Variants in SMURF2 observed in about 807,000 individuals in gnomAD.
The protein encoded by SMURF2 is E3 ubiquitin-protein ligase SMURF2.
SMURF2 carries 48 observed loss-of-function variants against 109.6 expected under a neutral mutation model. That is an observed-to-expected ratio of 0.44 (90% CI 0.35 to 0.56). SMURF2 has a LOEUF of 0.56. Among genes scored for constraint, SMURF2 ranks in the 20% least tolerant of loss-of-function variants. SMURF2 has a pLI of 0.01. For missense variants in SMURF2, 575 were observed against 909.0 expected, an observed-to-expected ratio of 0.63 and a Z score of 4.72; for synonymous variants, 288 against 317.1, an observed-to-expected ratio of 0.91 and a Z score of 0.97.
At chr17:64,626,269 A>C (rs1276779415) in intron 1 of SMURF2, among the ~76,000 whole-genome samples, 7 of 151,768 alleles carry the variant, frequency 4.6e-5, no homozygotes, top group East Asian at 1.9e-4. Context: ...AAAAAAAAAA[A>C]AAAAACAAAA....
chr17:64,618,835 G>A (rs1338427729), intron 1 of SMURF2, among the ~76,000 whole-genome samples: 1 of 152,140 alleles, frequency 6.6e-6, no homozygotes, highest in Non-Finnish European at 1.5e-5. Flanking sequence ...TTTTTCTAGA[G>A]ACACTTATAG....
At chr17:64,648,058 TAAAAAAAA>T (rs56131846) in intron 1 of SMURF2, among the ~76,000 whole-genome samples, 876 of 17,550 alleles carry the variant, frequency 0.05, 9 homozygotes, top group African/African-American at 0.14. Context: ...CCCTATCTCT[TAAAAAAAA>T]AAAAAAAAAA....
At chr17:64,579,259 A>T (rs1969544645) in intron 8 of SMURF2, among the ~76,000 whole-genome samples, 1 of 152,058 alleles carries the variant, frequency 6.6e-6, no homozygotes. Context: ...AATCTCTAAA[A>T]GGGTTTCTTT....
chr17:64,616,116 C>G (rs1487094099), intron 1 of SMURF2, among the ~76,000 whole-genome samples: 1 of 152,186 alleles, frequency 6.6e-6, no homozygotes, highest in Non-Finnish European at 1.5e-5. Context: ...AGGCGTCAGC[C>G]ACCACACCCG....
chr17:64,585,344 T>C (rs1455595792), intron 6 of SMURF2, among the ~76,000 whole-genome samples: 3 of 152,158 alleles, frequency 2.0e-5, no homozygotes, highest in African/African-American at 4.8e-5. Context: ...ACAATAATAG[T>C]AGCAATAGAA....
intron 1 of SMURF2, among the ~76,000 whole-genome samples, chr17:64,657,771 A>G (rs1326116590): frequency 6.6e-6 from 1 of 151,918 alleles, no homozygotes; most frequent in Admixed American, 6.6e-5. Context: ...ATGACCCTTC[A>G]TTTATCTTTA....
chr17:64,633,231 C>T (rs73333966), intron 1 of SMURF2, among the ~76,000 whole-genome samples: 280 of 152,330 alleles, frequency 1.8e-3, no homozygotes, highest in African/African-American at 6.4e-3. Context: ...GATCATATCA[C>T]TGTACTCCAT....
chr17:64,563,234 T>C (rs1969250785), intron 10 of SMURF2: 3 of 250,392 alleles, frequency 1.2e-5, no homozygotes, highest in Non-Finnish European at 2.3e-5. Context: ...TTTTCCAATA[T>C]AGCTTCCATT....
At position 64,607,996 on chromosome 17, in the gene SMURF2, CATAAATAAATAAATAA is replaced by C. The variant is rs55747507; in HGVS notation, c.53-1372_53-1357del. ...CCTGGGCGACAGAGCAAGACTCTGTCATAAATAAATAAATAAATAAATAAATAAATAAATAAATAAA... is the reference window on the plus strand; with the variant it reads ...CCTGGGCGACAGAGCAAGACTCTGTCATAAATAAATAAATAAATAAATAAA... On this transcript the variant is annotated intron_variant, in intron 1 of 18. Coordinates refer to ENST00000262435, the MANE Select transcript of SMURF2 (RefSeq NM_022739.4). 2.9e-3 allele frequency among the ~76,000 whole-genome samples: 396 copies of C among 135,700 alleles called. 1 individual carries two copies. Among genetic ancestry groups the C allele is most frequent in the African/African-American group, 4.9e-3 (179 of 36,316 alleles). The allele number at this position is 135,700 out of a possible 152,430, so 89.0% of individuals were successfully genotyped here.
chr17:64,638,042 GTTTTTTTTTTTTCCTTTTTCTTT>G (rs1447175931), intron 1 of SMURF2, among the ~76,000 whole-genome samples: 4 of 123,780 alleles, frequency 3.2e-5, no homozygotes, highest in African/African-American at 5.9e-5. Flanking sequence ...TTTCCCATGA[GTTTTTTTTTTTTCCTTTTTCTTT>G]TTTTTTTTTT....
At chr17:64,604,499 A>C (rs1969942459) in intron 2 of SMURF2, among the ~76,000 whole-genome samples, 1 of 152,174 alleles carries the variant, frequency 6.6e-6, no homozygotes, top group African/African-American at 2.4e-5. Flanking sequence ...CCTAGGAAAA[A>C]TGAGGTAAGA....
chr17:64,580,909 C>T lies in SMURF2; in HGVS notation c.652G>A (p.Ala218Thr), dbSNP rs535944315. The T allele has an allele frequency of 4.9e-5, 79 of 1,614,150 alleles. No individual in the cohort carries two copies. In the South Asian group the frequency reaches 6.7e-4, roughly 14 times the overall value. Residue 218 changes from alanine (A) to threonine (T), a missense_variant, in exon 8 of 19, where the codon GCA becomes ACA. Around this residue, in one of 5 missense-constraint regions of SMURF2, gnomAD observed 151 missense variants for 178.4 expected, o/e 0.85. Coordinates refer to ENST00000262435, the MANE Select transcript of SMURF2 (RefSeq NM_022739.4). ...ENTPISGTNGATCGQSSDPRL... is the reference protein window; with the variant it reads ...ENTPISGTNGTTCGQSSDPRL... ...GGATCTGAAGACTGTCCACATGTTG[C>T]ACCATTTGTTCCACTAATTGGAGTG...
At chr17:64,582,281 C>A (rs2144639327) in intron 7 of SMURF2, among the ~76,000 whole-genome samples, 1 of 152,270 alleles carries the variant, frequency 6.6e-6, no homozygotes, top group Non-Finnish European at 1.5e-5. Context: ...GTAGGTGCAG[C>A]TAATGAAAAG....
chr17:64,594,902 A>C (rs1555687960), intron 3 of SMURF2, among the ~76,000 whole-genome samples: 3 of 152,096 alleles, frequency 2.0e-5, no homozygotes, highest in African/African-American at 7.2e-5. Context: ...AGGCAGGAGA[A>C]TCACTTGAAC....
intron 1 of SMURF2, among the ~76,000 whole-genome samples, chr17:64,648,298 A>G (rs367959561): frequency 2.6e-4 from 40 of 152,184 alleles, no homozygotes; most frequent in African/African-American, 9.6e-4. Context: ...CAGTGTGGTA[A>G]AACAGTTCTA....
rs781878591 is a variant in SMURF2, at chr17:64,591,130, G to A, written c.354C>T (p.Cys118=). ...KDTGYQRLDL[C]KLGPNDNDTV... is the part of the protein sequence containing the mutation. ...TATCATTGTCATTTGGCCCGAGTTT[G>A]CATAAATCCAACCTCTGATCTATTT... is the stretch of plus-strand genomic sequence containing the variant. Residue 118 remains cysteine (C), a synonymous_variant, in exon 5 of 19, where the codon TGC becomes TGT. Coordinates refer to ENST00000262435, the MANE Select transcript of SMURF2 (RefSeq NM_022739.4). The A allele has an allele frequency of 7.4e-6, 12 of 1,612,744 alleles. No individual in the cohort carries two copies. The highest frequency in any genetic ancestry group is 9.3e-6 in the Non-Finnish European group (11 of 1,179,410).
chr17:64,646,862 G>GA (rs1197843470), intron 1 of SMURF2, among the ~76,000 whole-genome samples: 6 of 152,178 alleles, frequency 3.9e-5, no homozygotes, highest in African/African-American at 9.7e-5. Context: ...TCACCACAAT[G>GA]TACTATTTGG....
intron 9 of SMURF2, among the ~76,000 whole-genome samples, chr17:64,576,194 G>C (rs1969487599): frequency 6.6e-6 from 1 of 151,980 alleles, no homozygotes; most frequent in Non-Finnish European, 1.5e-5. Context: ...AGCAGAGCTA[G>C]ATCCTGTCTC....
At chr17:64,628,081 A>G (rs1367043810) in intron 1 of SMURF2, among the ~76,000 whole-genome samples, 1 of 152,220 alleles carries the variant, frequency 6.6e-6, no homozygotes, top group African/African-American at 2.4e-5. Flanking sequence ...GAACATAGTA[A>G]GCCCTGGTTT....
Sources: allele counts gnomAD v4.1 joint callset (sites outside exome capture counted in the v4.1 genomes callset), GRCh38; gene constraint gnomAD v4.1.1; regional missense constraint gnomAD v4.1.1; transcripts MANE v1.5; gene names NCBI Gene and HGNC (gene_info 2026-07-23, HGNC 2026-07-21).